The following CDH9 variants were observed in gnomAD, a reference collection of about 807,000 sequenced individuals.
The protein encoded by CDH9 is cadherin-9.
In CDH9, 28 loss-of-function variants were observed where a neutral mutation model predicts 70.9. The ratio of observed to expected loss-of-function variants is 0.40; its 90% CI spans 0.29 to 0.54. The LOEUF (loss-of-function observed/expected upper bound fraction) is 0.54. Ranked by LOEUF, CDH9 falls within the 20% of genes least tolerant of loss-of-function variation. The probability of loss-of-function intolerance (pLI) is 0.59; values close to 1 mark genes in which losing one functional copy is unlikely to be tolerated. For synonymous variants in CDH9, 409 were observed against 343.1 expected (o/e 1.19, Z -2.12); for missense variants, 874 against 984.4 (o/e 0.89, Z 1.50).
At position 27,006,471 on chromosome 5, in the gene CDH9, G is replaced by A. The variant is rs74987117; in HGVS notation, c.-49-18089C>T. On this transcript the variant is annotated intron_variant, in intron 1 of 11. Transcript: ENST00000231021. Reference sequence around the variant, plus strand: ...TCTCCTCTATGCAGCACCACTAAGAGTTGGCTGCTTTACAGTGAGCCACAG... The same window carrying A: ...TCTCCTCTATGCAGCACCACTAAGAATTGGCTGCTTTACAGTGAGCCACAG... Among the ~76,000 whole-genome samples the A allele has an allele frequency of 4.8e-3, 734 of 152,174 alleles. 9 individuals carry two copies. The highest frequency in any genetic ancestry group is 0.023 in the South Asian group (109 of 4,818).
chr5:26,970,876 A>G (rs1321147160), intron 2 of CDH9, among the ~76,000 whole-genome samples: 1 of 152,140 alleles, frequency 6.6e-6, no homozygotes, highest in Non-Finnish European at 1.5e-5. Flanking sequence ...TCTAGTGTAA[A>G]TATAGTAAGA....
Position 26,961,437 on chromosome 5 carries a change from A to G in CDH9, c.228+26669T>C, listed in dbSNP as rs185435412. 1.7e-4 allele frequency among the ~76,000 whole-genome samples: 26 copies of G among 152,214 alleles called. No homozygotes were observed. The East Asian group carries it at 4.5e-3, about 26-fold the overall frequency. On this transcript the variant is annotated intron_variant, in intron 2 of 11. Transcript: ENST00000231021. The stretch of plus-strand genomic sequence containing the variant: ...AATGGTTATAATTTTTAAAATATAT[A>G]CTATAGCTTCAATTGTAAATGGAGT...
intron 7 of CDH9, among the ~76,000 whole-genome samples, chr5:26,899,557 A>G (rs1056192468): frequency 3.3e-5 from 5 of 152,078 alleles, no homozygotes; most frequent in Admixed American, 6.6e-5. Flanking sequence ...GGAACAGAAA[A>G]CCAAACACCA....
chr5:26,956,455 A>C (rs1439984362), intron 2 of CDH9, among the ~76,000 whole-genome samples: 2 of 152,218 alleles, frequency 1.3e-5, no homozygotes, highest in Admixed American at 1.3e-4. Context: ...CTAGAAGGAA[A>C]AGAAAGTACT....
At chr5:26,910,420 C>A (rs1371237605) in intron 3 of CDH9, among the ~76,000 whole-genome samples, 1 of 152,118 alleles carries the variant, frequency 6.6e-6, no homozygotes, top group East Asian at 1.9e-4. Context: ...CAAACAGCAA[C>A]TTTGTGGCAT....
intron 2 of CDH9, among the ~76,000 whole-genome samples, chr5:26,971,799 A>G (rs1742223402): frequency 6.6e-6 from 1 of 152,152 alleles, no homozygotes; most frequent in South Asian, 2.1e-4. Context: ...GTGATAAGAA[A>G]ATATAAAAAC....
chr5:27,036,754 T>G (rs935622314), intron 1 of CDH9, among the ~76,000 whole-genome samples: 5 of 151,924 alleles, frequency 3.3e-5, no homozygotes, highest in Non-Finnish European at 5.9e-5. Flanking sequence ...AAAACACATA[T>G]AGAGATGTTG....
At chr5:26,924,839 G>A (rs1011823928) in intron 2 of CDH9, among the ~76,000 whole-genome samples, 1 of 132,700 alleles carries the variant, frequency 7.5e-6, no homozygotes, top group Non-Finnish European at 1.6e-5. Context: ...TGCCGAGAAT[G>A]ATGGTTTTCA....
chr5:27,018,643 T>C (rs1419001503), intron 1 of CDH9, among the ~76,000 whole-genome samples: 1 of 151,984 alleles, frequency 6.6e-6, no homozygotes, highest in Non-Finnish European at 1.5e-5. Flanking sequence ...ATGTATTTTT[T>C]TAATGTTGGT....
chr5:27,001,978 G>C (rs564957727), intron 1 of CDH9, among the ~76,000 whole-genome samples: 1 of 151,436 alleles, frequency 6.6e-6, no homozygotes, highest in Non-Finnish European at 1.5e-5. Context: ...AATAAATAAA[G>C]AAGAATTCCT....
intron 1 of CDH9, among the ~76,000 whole-genome samples, chr5:26,993,006 G>A (rs998738502): frequency 6.7e-5 from 10 of 149,502 alleles, no homozygotes; most frequent in East Asian, 2.0e-4. Context: ...TGAGGCAGGC[G>A]AATCACTTGA....
intron 1 of CDH9, among the ~76,000 whole-genome samples, chr5:26,994,643 C>T (rs1305871709): frequency 6.6e-6 from 1 of 151,924 alleles, no homozygotes; most frequent in African/African-American, 2.4e-5. Flanking sequence ...GTGCTGTCAT[C>T]AGACAGCAGA....
intron 1 of CDH9, among the ~76,000 whole-genome samples, chr5:27,035,713 T>G (rs988811927): frequency 7.3e-5 from 11 of 149,830 alleles, no homozygotes; most frequent in Non-Finnish European, 1.5e-4. Context: ...TGTGTGTGGG[T>G]GTGTGTGGGT....
At chr5:26,900,675 A>T (rs7726928) in intron 7 of CDH9, among the ~76,000 whole-genome samples, 3 of 151,828 alleles carry the variant, frequency 2.0e-5, no homozygotes, top group Admixed American at 1.3e-4. Flanking sequence ...ACAGTTTTCC[A>T]GTAATGTGTG....
chr5:26,988,087 C>A lies in CDH9; in HGVS notation c.228+19G>T, dbSNP rs1014810972. The A allele has an allele frequency of 6.4e-7, 1 of 1,558,996 alleles. No individual in the cohort carries two copies. The highest frequency in any genetic ancestry group is 1.7e-5 in the Admixed American group (1 of 58,016). On this transcript the variant is annotated intron_variant, in intron 2 of 11. Transcript: ENST00000231021. ...GCTGTCACTTTCAGCTTTTAGATTT[C>A]TCATACAAAAATTCTTACCTTGCCT... is the stretch of plus-strand genomic sequence containing the variant.
rs113749804 is a variant in CDH9, at chr5:26,921,100, G to A, written c.229-5176C>T. Among the ~76,000 whole-genome samples, 170 of 152,186 alleles carry A rather than the reference G, an allele frequency of 1.1e-3. 1 individual carries two copies. Among genetic ancestry groups the A allele is most frequent in the African/African-American group, 3.9e-3 (164 of 41,534 alleles). ...GATTCATGATACCGTTTTTGTTAGA[G>A]TAGGCAGATAGCTAGACATGAGCAG... is the stretch of plus-strand genomic sequence containing the variant. On this transcript the variant is annotated intron_variant, in intron 2 of 11. Transcript: ENST00000231021.
chr5:26,901,909 G>A (rs1279884792), intron 7 of CDH9, among the ~76,000 whole-genome samples: 4 of 151,698 alleles, frequency 2.6e-5, no homozygotes, highest in African/African-American at 9.7e-5. Context: ...ACTCTGTTAT[G>A]AGAATATAAT....
chr5:26,907,862 A>G (rs962552773), intron 3 of CDH9, among the ~76,000 whole-genome samples: 1 of 152,072 alleles, frequency 6.6e-6, no homozygotes, highest in Non-Finnish European at 1.5e-5. Flanking sequence ...AAATAGGAGG[A>G]ATTCCATATT....
At chr5:26,989,518 C>CTCTCTG (rs2112093278) in intron 1 of CDH9, among the ~76,000 whole-genome samples, 1 of 151,622 alleles carries the variant, frequency 6.6e-6, no homozygotes, top group East Asian at 1.9e-4. Flanking sequence ...GTCTCTCTCT[C>CTCTCTG]TCTCTCTCTC....
Sources: allele counts gnomAD v4.1 joint callset (sites outside exome capture counted in the v4.1 genomes callset), GRCh38; gene constraint gnomAD v4.1.1; transcripts MANE v1.5; gene names NCBI Gene and HGNC (gene_info 2026-07-23, HGNC 2026-07-21).